The following DPP10 variants were observed in gnomAD, a reference collection of about 807,000 sequenced individuals.
DPP10 encodes the protein inactive dipeptidyl peptidase 10.
DPP10 carries 33 observed loss-of-function variants against 120.9 expected under a neutral mutation model. That is an observed-to-expected ratio of 0.27 (90% confidence interval 0.21 to 0.37). The LOEUF (loss-of-function observed/expected upper bound fraction) is 0.37, where lower values mean the gene tolerates loss of function less well. Ranked by LOEUF, DPP10 falls within the 10% of genes least tolerant of loss-of-function variation. The pLI, the probability that DPP10 is intolerant of heterozygous loss-of-function variation, is 1.00. For synonymous variants in DPP10, 337 were observed against 326.1 expected, an observed-to-expected ratio of 1.03 and a Z score of -0.36; for missense variants, 816 against 942.8, an observed-to-expected ratio of 0.87 and a Z score of 1.76.
At chr2:115,428,841 A>G (rs906802270) in intron 3 of DPP10, among the ~76,000 whole-genome samples, 5 of 152,174 alleles carry the variant, frequency 3.3e-5, no homozygotes, top group African/African-American at 1.2e-4. Flanking sequence ...TTATAACCTG[A>G]TCCATCCACT....
chr2:114,830,930 A>G (rs1574290503), intron 1 of DPP10, among the ~76,000 whole-genome samples: 1 of 151,054 alleles, frequency 6.6e-6, no homozygotes, highest in Admixed American at 6.6e-5. Flanking sequence ...GCATTGCTCA[A>G]GCCCCCTTGT....
intron 1 of DPP10, among the ~76,000 whole-genome samples, chr2:114,901,372 A>G (rs2106634589): frequency 6.6e-6 from 1 of 152,070 alleles, no homozygotes; most frequent in East Asian, 1.9e-4. Flanking sequence ...TAATTTTTGT[A>G]TTTTTAATAG....
At chr2:114,489,267 A>G (rs1235660711) in intron 1 of DPP10, among the ~76,000 whole-genome samples, 3 of 152,242 alleles carry the variant, frequency 2.0e-5, no homozygotes, top group East Asian at 3.9e-4. Flanking sequence ...AACTAATATT[A>G]AACACAGAGA....
At chr2:115,432,723 T>C (rs1341413642) in intron 3 of DPP10, among the ~76,000 whole-genome samples, 2 of 149,372 alleles carry the variant, frequency 1.3e-5, no homozygotes, top group African/African-American at 2.5e-5. Flanking sequence ...TGGTTATCAA[T>C]GGGGCAATGT....
intron 7 of DPP10, among the ~76,000 whole-genome samples, chr2:115,711,891 A>C (rs1025131208): frequency 4.0e-5 from 6 of 149,042 alleles, no homozygotes; most frequent in Non-Finnish European, 7.4e-5. Flanking sequence ...GTTTTCCTAG[A>C]ATATTGGACC....
intron 1 of DPP10, among the ~76,000 whole-genome samples, chr2:115,212,467 A>G (rs1453383550): frequency 2.0e-5 from 3 of 152,102 alleles, no homozygotes; most frequent in Non-Finnish European, 4.4e-5. Flanking sequence ...TTCAGTGTAA[A>G]CTTTTGTGGA....
At chr2:115,332,542 T>G (rs751996882) in intron 2 of DPP10, among the ~76,000 whole-genome samples, 26 of 152,064 alleles carry the variant, frequency 1.7e-4, no homozygotes, top group Non-Finnish European at 3.2e-4. Flanking sequence ...GATCTTTCCT[T>G]CTTTCTCTTG....
At chr2:115,296,666 A>T (rs764053974) in intron 1 of DPP10, among the ~76,000 whole-genome samples, 2 of 152,090 alleles carry the variant, frequency 1.3e-5, no homozygotes, top group Non-Finnish European at 2.9e-5. Flanking sequence ...TATCACATTT[A>T]GCATCTTGCA....
chr2:115,179,661 A>G (rs1490891271), intron 1 of DPP10, among the ~76,000 whole-genome samples: 2 of 152,190 alleles, frequency 1.3e-5, no homozygotes, highest in Non-Finnish European at 2.9e-5. Flanking sequence ...TTACCTCGAT[A>G]AATTATAAGC....
intron 5 of DPP10, among the ~76,000 whole-genome samples, chr2:115,527,108 A>G (rs72961506): frequency 0.017 from 2,535 of 152,260 alleles, 67 homozygotes; most frequent in African/African-American, 0.057. Flanking sequence ...TAAACTGATC[A>G]TGAACTTTTA....
chr2:114,868,498 T>C (rs1690419245), intron 1 of DPP10, among the ~76,000 whole-genome samples: 2 of 152,176 alleles, frequency 1.3e-5, no homozygotes, highest in Non-Finnish European at 2.9e-5. Flanking sequence ...CAGTGCATGA[T>C]GGTGCACTGG....
chr2:115,733,276 G>A (rs923716123), intron 8 of DPP10, among the ~76,000 whole-genome samples: 1 of 152,096 alleles, frequency 6.6e-6, no homozygotes, highest in Non-Finnish European at 1.5e-5. Flanking sequence ...ACATGAAATT[G>A]CATTCATTTC....
chr2:115,601,138 G>C (rs1188309439), intron 5 of DPP10, among the ~76,000 whole-genome samples: 4 of 152,156 alleles, frequency 2.6e-5, no homozygotes, highest in African/African-American at 9.7e-5. Context: ...ATGTCATTCA[G>C]ATTCTTTAAA....
chr2:115,027,787 T>C (rs944092869), intron 1 of DPP10, among the ~76,000 whole-genome samples: 3 of 152,132 alleles, frequency 2.0e-5, no homozygotes, highest in Admixed American at 6.6e-5. Flanking sequence ...TTCAATCTTG[T>C]TACTCATTAT....
chr2:114,504,531 C>T (rs1298140884), intron 1 of DPP10, among the ~76,000 whole-genome samples: 1 of 150,794 alleles, frequency 6.6e-6, no homozygotes, highest in Non-Finnish European at 1.5e-5. Context: ...CCCAAGAGTA[C>T]CCACCCCACC....
chr2:115,491,333 A>C (rs1313523962), intron 3 of DPP10, among the ~76,000 whole-genome samples: 1 of 152,144 alleles, frequency 6.6e-6, no homozygotes. Context: ...AACTGGTATA[A>C]GAGTTATAGA....
At chr2:114,766,913 G>A (rs114458544) in intron 1 of DPP10, among the ~76,000 whole-genome samples, 7 of 151,048 alleles carry the variant, frequency 4.6e-5, no homozygotes, top group African/African-American at 7.3e-5. Flanking sequence ...ACACACACAC[G>A]CACACACATA....
chr2:114,869,511 C>T (rs1199332572), intron 1 of DPP10, among the ~76,000 whole-genome samples: 1 of 152,104 alleles, frequency 6.6e-6, no homozygotes, highest in Admixed American at 6.6e-5. Flanking sequence ...GATGGAGTCT[C>T]AAGTCCACTG....
chr2:114,606,270 A>G (rs530123436), intron 1 of DPP10, among the ~76,000 whole-genome samples: 126 of 152,224 alleles, frequency 8.3e-4, no homozygotes, highest in Non-Finnish European at 1.4e-3. Flanking sequence ...TTATGCCTGC[A>G]TTTTATGGGC....
Sources: gnomAD v4.1 joint callset for allele counts (sites outside exome capture counted in the v4.1 genomes callset) on GRCh38, gnomAD v4.1.1 for gene constraint, MANE v1.5 for transcripts, NCBI Gene and HGNC (gene_info 2026-07-23, HGNC 2026-07-21) for gene names.